NAA35: variants seen among roughly 807,000 people sequenced by gnomAD.
NAA35 encodes the protein MAK10 homolog, amino-acid N-acetyltransferase subunit.
NAA35 carries 18 observed loss-of-function variants against 101.7 expected under a neutral mutation model. That is an observed-to-expected ratio of 0.18 (90% CI 0.12 to 0.26). The LOEUF (loss-of-function observed/expected upper bound fraction) is 0.26, where lower values mean the gene tolerates loss of function less well. Among genes scored for constraint, NAA35 ranks in the 10% least tolerant of loss-of-function variants. The probability of loss-of-function intolerance (pLI) is 1.00; values close to 1 mark genes in which losing one functional copy is unlikely to be tolerated. For missense variants in NAA35, 601 were observed against 886.8 expected, an observed-to-expected ratio of 0.68 and a Z score of 4.09; for synonymous variants, 267 against 273.1, an observed-to-expected ratio of 0.98 and a Z score of 0.22.
chr9:85,979,237 A>G (rs1004522195), intron 11 of NAA35, among the ~76,000 whole-genome samples: 1 of 152,152 alleles, frequency 6.6e-6, no homozygotes, highest in Non-Finnish European at 1.5e-5. Context: ...TGACACGTCC[A>G]CCCTACTGCT....
chr9:85,971,008 C>G (rs1829975472), intron 6 of NAA35, among the ~76,000 whole-genome samples: 1 of 152,170 alleles, frequency 6.6e-6, no homozygotes, highest in East Asian at 1.9e-4. Flanking sequence ...AATCTAAGCT[C>G]AGCTCCTCCA....
At chr9:86,018,898 T>C in intron 21 of NAA35, 77 bp downstream of exon 21, 1 of 1,538,422 alleles carries the variant, frequency 6.5e-7, no homozygotes. Flanking sequence ...TGAAAGTTAA[T>C]TATGAAAGTG....
In NAA35 at chr9:85,942,029, C is replaced by CTT. The variant is rs1376972197; in HGVS notation, c.-5-126_-5-125insTT. On this transcript the variant is annotated intron_variant, in intron 1 of 22. Coordinates refer to ENST00000361671, the MANE Select transcript of NAA35 (RefSeq NM_024635.4). ...TTCTTTGCAGTACTGTCCTTAGACT[C>CTT]AGAAGAGTTCTGCTTTAAAGAGTTT... 7.1e-6 allele frequency: 10 copies of CTT among 1,410,448 alleles called. No homozygotes were observed. The African/African-American group carries it at 8.7e-5, about 12-fold the overall frequency. 87.4% of individuals were successfully genotyped at this position (1,410,448 alleles called of 1,614,324 possible).
intron 2 of NAA35, among the ~76,000 whole-genome samples, chr9:85,948,127 A>G (rs752853609): frequency 2.0e-5 from 3 of 152,136 alleles, no homozygotes; most frequent in Non-Finnish European, 4.4e-5. Context: ...GATTCCCTTC[A>G]TCCCCAGTTT....
Position 85,996,523 on chromosome 9 carries a change from T to C in NAA35, c.1002T>C (p.Asp334=). The change falls in exon 12 of 23, where the codon GAT becomes GAC. Residue 334 remains aspartate, a synonymous_variant. Coordinates refer to ENST00000361671, the MANE Select transcript of NAA35 (RefSeq NM_024635.4). The stretch of plus-strand genomic sequence containing the variant: ...TGAACTATTTTGCAAGATTAATAGA[T>C]AGAATAAAAACTGTCTGTGAGGTTG... ...EMVNYFARLI[D]RIKTVCEVVN... is the part of the protein sequence containing the mutation. 2.5e-6 allele frequency: 4 copies of C among 1,603,146 alleles called. No individual in the cohort carries two copies. Among genetic ancestry groups the C allele is most frequent in the Non-Finnish European group, 1.7e-6 (2 of 1,176,742 alleles).
intron 17 of NAA35, 99 bp downstream of exon 17, chr9:86,013,996 T>C: frequency 9.9e-7 from 1 of 1,006,082 alleles, no homozygotes; most frequent in Middle Eastern, 2.7e-4. Flanking sequence ...TAGTATATTT[T>C]ATCTTTAGTT....
chr9:86,015,930 A>C (rs1373697078), intron 17 of NAA35, among the ~76,000 whole-genome samples: 1 of 152,088 alleles, frequency 6.6e-6, no homozygotes, highest in Non-Finnish European at 1.5e-5. Context: ...GTACTATAGT[A>C]AATGTTTTTC....
intron 1 of NAA35, chr9:85,941,860 C>G: frequency 1.8e-6 from 2 of 1,093,500 alleles, no homozygotes; most frequent in Non-Finnish European, 2.2e-6. Flanking sequence ...TGGAGTTGTT[C>G]TTTTCGGGCC....
chr9:86,009,988 C>A, intron 15 of NAA35, 57 bp downstream of exon 15: 1 of 1,424,290 alleles, frequency 7.0e-7, no homozygotes, highest in Non-Finnish European at 9.9e-7. Flanking sequence ...TGGGCTGTGG[C>A]CGGGCACGGT....
At chr9:85,989,379 G>A (rs1830795666) in intron 11 of NAA35, among the ~76,000 whole-genome samples, 1 of 152,094 alleles carries the variant, frequency 6.6e-6, no homozygotes, top group Admixed American at 6.6e-5. Context: ...GTTGAGGCAG[G>A]AGAATCGCTT....
Position 86,024,207 on chromosome 9 carries a change from G to A in NAA35, c.*2247G>A, listed in dbSNP as rs1027215367. Among the ~76,000 whole-genome samples, 5 of 152,270 alleles carry A rather than the reference G, an allele frequency of 3.3e-5. No individual in the cohort carries two copies. The highest frequency in any genetic ancestry group is 3.4e-3 in the Middle Eastern group (1 of 294). On this transcript the variant is annotated 3_prime_UTR_variant, in exon 23 of 23. Transcript: ENST00000361671. The stretch of plus-strand genomic sequence containing the variant: ...ATGCTGGGTAGGAGAACTGCCCCAC[G>A]TGAAACTTTAGGTGACAAATCCCCA...
intron 11 of NAA35, among the ~76,000 whole-genome samples, chr9:85,979,782 G>A (rs560960667): frequency 6.6e-6 from 1 of 152,322 alleles, no homozygotes; most frequent in Admixed American, 6.5e-5. Flanking sequence ...AGTGATAACT[G>A]TGTAGGTTTT....
In NAA35 at chr9:85,977,381, G is replaced by C. The variant is rs2118056496; in HGVS notation, c.697G>C (p.Val233Leu). The change falls in exon 10 of 23, where the codon GTA becomes CTA. Residue 233 changes from valine to leucine, a missense_variant. Physicochemically the swap from Val to Leu is conservative, Grantham distance 32. Coordinates refer to ENST00000361671, the MANE Select transcript of NAA35 (RefSeq NM_024635.4). ...TTTTTAGCACCAACAATGTTTAGCA[G>C]TATTCAGCAGAGTGAAATTTACTCG... Reference protein sequence around the residue: ...VELEHQQCLAVFSRVKFTRVL... With the variant: ...VELEHQQCLALFSRVKFTRVL... 2.5e-6 allele frequency: 4 copies of C among 1,612,084 alleles called. No individual in the cohort carries two copies. The East Asian group carries it at 8.9e-5, about 36-fold the overall frequency.
intron 12 of NAA35, among the ~76,000 whole-genome samples, chr9:86,001,997 T>C (rs1330165485): frequency 6.6e-6 from 1 of 152,166 alleles, no homozygotes; most frequent in Non-Finnish European, 1.5e-5. Flanking sequence ...TTGTATTAGC[T>C]GGTAGTAGTC....
intron 14 of NAA35, 128 bp from the exon 15 acceptor site, chr9:86,009,737 T>C (rs960570524): frequency 1.1e-5 from 7 of 654,424 alleles, no homozygotes; most frequent in South Asian, 8.2e-5. Flanking sequence ...ACTGAAATTC[T>C]TTAACTTAGG....
At chr9:85,959,758 T>A (rs1196982776) in intron 4 of NAA35, 35 bp from the exon 5 acceptor site, 1 of 1,504,948 alleles carries the variant, frequency 6.6e-7, no homozygotes, top group Non-Finnish European at 9.1e-7. Flanking sequence ...TTAAAAAAAT[T>A]TCTGCTTATA....
chr9:85,952,263 C>T (rs1829049880), intron 2 of NAA35, among the ~76,000 whole-genome samples: 1 of 148,920 alleles, frequency 6.7e-6, no homozygotes, highest in African/African-American at 2.5e-5. Flanking sequence ...AGTAGTGTTC[C>T]ATGATAATTG....
intron 11 of NAA35, among the ~76,000 whole-genome samples, chr9:85,982,871 A>G (rs937457936): frequency 1.8e-4 from 28 of 152,358 alleles, no homozygotes; most frequent in Middle Eastern, 3.4e-3. Flanking sequence ...GCTGGAAAAC[A>G]GAAGGACATT....
intron 12 of NAA35, among the ~76,000 whole-genome samples, chr9:86,000,326 C>T (rs1183055736): frequency 1.3e-5 from 2 of 152,072 alleles, no homozygotes; most frequent in African/African-American, 2.4e-5. Context: ...ATTTTTGCAT[C>T]GATATTAATC....
Sources: gnomAD v4.1 joint callset for allele counts (sites outside exome capture counted in the v4.1 genomes callset) on GRCh38, gnomAD v4.1.1 for gene constraint, MANE v1.5 for transcripts, NCBI Gene and HGNC (gene_info 2026-07-23, HGNC 2026-07-21) for gene names.